Variants in MGMT observed in about 807,000 individuals in gnomAD.
MGMT encodes O-6-methylguanine-DNA methyltransferase, also known as methylated-DNA--protein-cysteine methyltransferase.
A neutral mutation model predicts 15.9 loss-of-function variants in MGMT; 14 were observed. That is an observed-to-expected ratio of 0.88 (90% confidence interval 0.58 to 1.37). MGMT has a LOEUF of 1.37. MGMT is among the 40% of genes most tolerant of loss of function. The pLI, the probability that MGMT is intolerant of heterozygous loss-of-function variation, is 0.00. For missense variants in MGMT, 282 were observed against 268.1 expected (o/e 1.05, Z -0.36); for synonymous variants, 130 against 118.2 (o/e 1.10, Z -0.65).
rs537411670 is a variant in MGMT at position 129,739,595 on chromosome 10, G to A, written c.275-19607G>A. Among the ~76,000 whole-genome samples, 18 of 150,928 alleles carry A rather than the reference G, an allele frequency of 1.2e-4. No individual in the cohort carries two copies. In the East Asian group the frequency reaches 1.4e-3, roughly 12 times the overall value. On this transcript the variant is annotated intron_variant, in intron 3 of 4. Coordinates refer to ENST00000651593, the MANE Select transcript of MGMT (RefSeq NM_002412.5). ...ATCAGAACCAGGTCAGAGCCCCTAC[G>A]CCCTGGTCAGATCAGAACCAGGTCA...
At chr10:129,711,721 G>T (rs1007165756) in intron 3 of MGMT, among the ~76,000 whole-genome samples, 2 of 152,120 alleles carry the variant, frequency 1.3e-5, no homozygotes, top group African/African-American at 4.8e-5. Flanking sequence ...GTGTGACCGA[G>T]GGCTAGCATC....
intron 3 of MGMT, among the ~76,000 whole-genome samples, chr10:129,739,447 A>G (rs973320316): frequency 1.1e-4 from 16 of 152,232 alleles, no homozygotes; most frequent in African/African-American, 3.4e-4. Context: ...TTTCGAAAAA[A>G]TTACAGCAGA....
chr10:129,633,166 CT>C lies in MGMT; in HGVS notation c.126-74726del, dbSNP rs1847230002. Among the ~76,000 whole-genome samples the C allele has an allele frequency of 3.9e-5, 6 of 152,268 alleles. No homozygotes were observed. The South Asian group carries it at 1.2e-3, about 32-fold the overall frequency. ...GTTAAAACCCTTCTCAGTACTCCCA[CT>C]TTGAAAAAGTATACTCTAGAAAAAT... On this transcript the variant is annotated intron_variant, in intron 2 of 4. Transcript: ENST00000651593.
rs373742959 is a variant in MGMT, at chr10:129,532,503, C to T, written c.-12-3738C>T. ...GGCTAAGCTGCCTGTGGCCCTCCACCGCCCTGCTCCTTCCTCCGGGTGGGG... is the reference window on the plus strand; with the variant it reads ...GGCTAAGCTGCCTGTGGCCCTCCACTGCCCTGCTCCTTCCTCCGGGTGGGG... On this transcript the variant is annotated intron_variant, in intron 1 of 4. Coordinates refer to ENST00000651593, the MANE Select transcript of MGMT (RefSeq NM_002412.5). This position sits in a 1 kb window ranked among gnomAD's most constrained non-coding sequence, Gnocchi z 5.3. Among the ~76,000 whole-genome samples, 29 of 152,270 alleles carry T rather than the reference C, an allele frequency of 1.9e-4. No individual in the cohort carries two copies. The highest frequency in any genetic ancestry group is 1.4e-3 in the East Asian group (7 of 5,134).
chr10:129,597,437 G>A (rs913691301), intron 2 of MGMT, among the ~76,000 whole-genome samples: 6 of 151,904 alleles, frequency 3.9e-5, no homozygotes, highest in East Asian at 1.9e-4. Context: ...GTTTAGTTTC[G>A]TCATTTTTAT....
chr10:129,523,615 A>AAT (rs1845837140), intron 1 of MGMT, among the ~76,000 whole-genome samples: 2 of 152,166 alleles, frequency 1.3e-5, no homozygotes, highest in Non-Finnish European at 2.9e-5. Flanking sequence ...GGTTCCCTCC[A>AAT]CCGTGGAATC....
chr10:129,674,826 G>C (rs1297161258), intron 2 of MGMT, among the ~76,000 whole-genome samples: 1 of 152,182 alleles, frequency 6.6e-6, no homozygotes, highest in Non-Finnish European at 1.5e-5. Flanking sequence ...GTCCGTGCTA[G>C]GAACACAGCA....
At chr10:129,761,255 AGAGT>A (rs1166552671) in intron 4 of MGMT, among the ~76,000 whole-genome samples, 2 of 152,100 alleles carry the variant, frequency 1.3e-5, no homozygotes, top group East Asian at 3.9e-4. Flanking sequence ...CCCCCCGAGG[AGAGT>A]AAGTCCTTGT....
At chr10:129,542,086 A>G (rs1489254577) in intron 2 of MGMT, among the ~76,000 whole-genome samples, 1 of 152,180 alleles carries the variant, frequency 6.6e-6, no homozygotes. Context: ...TGGATGCCCT[A>G]TGAGTTTCTG....
chr10:129,511,419 C>A (rs147745235), intron 1 of MGMT, among the ~76,000 whole-genome samples: 5 of 152,190 alleles, frequency 3.3e-5, no homozygotes, highest in African/African-American at 1.2e-4. Flanking sequence ...ATGATGAGAA[C>A]CCCATATACC....
At chr10:129,753,913 A>G (rs1342114682) in intron 3 of MGMT, among the ~76,000 whole-genome samples, 1 of 152,178 alleles carries the variant, frequency 6.6e-6, no homozygotes, top group African/African-American at 2.4e-5. Flanking sequence ...CCTACAGATA[A>G]TGTTGATATT....
rs775322119 is a variant in MGMT, at chr10:129,532,260, G to A, written c.-12-3981G>A. 6.6e-6 allele frequency among the ~76,000 whole-genome samples: 1 copy of A among 152,204 alleles called. No individual in the cohort carries two copies. Among genetic ancestry groups the A allele is most frequent in the Non-Finnish European group, 1.5e-5 (1 of 68,040 alleles). On this transcript the variant is annotated intron_variant, in intron 1 of 4. Coordinates refer to ENST00000651593, the MANE Select transcript of MGMT (RefSeq NM_002412.5). This position sits in a 1 kb window ranked among gnomAD's most constrained non-coding sequence, Gnocchi z 5.3. ...TATGCCAGAGCTTTAGGGTCCCTTG[G>A]GCCAGCAGCTGGGGTCCTTGGGCAT...
chr10:129,745,095 G>A (rs1052154772), intron 3 of MGMT, among the ~76,000 whole-genome samples: 3 of 152,152 alleles, frequency 2.0e-5, no homozygotes, highest in Admixed American at 2.0e-4. Context: ...CTCGTAGAGG[G>A]AAAGATTTTG....
intron 2 of MGMT, among the ~76,000 whole-genome samples, chr10:129,598,949 C>G (rs1203110198): frequency 1.3e-5 from 2 of 152,170 alleles, no homozygotes; most frequent in Non-Finnish European, 2.9e-5. Flanking sequence ...TTGTCTCCAG[C>G]CCTTCCCTTT....
intron 2 of MGMT, among the ~76,000 whole-genome samples, chr10:129,545,471 T>G (rs1298516678): frequency 6.6e-6 from 1 of 152,228 alleles, no homozygotes; most frequent in Middle Eastern, 3.2e-3. Flanking sequence ...ATTGTAAAGT[T>G]ACGACATGAG....
chr10:129,582,638 T>A (rs1391390482), intron 2 of MGMT, among the ~76,000 whole-genome samples: 1 of 152,188 alleles, frequency 6.6e-6, no homozygotes, highest in Admixed American at 6.5e-5. Flanking sequence ...AATTTTAGTG[T>A]AGGTGATCTT....
chr10:129,760,358 C>A (rs1370068663), intron 4 of MGMT, among the ~76,000 whole-genome samples: 1 of 152,230 alleles, frequency 6.6e-6, no homozygotes, highest in African/African-American at 2.4e-5. Context: ...TGTGTGGTCA[C>A]GTTGGCAGTG....
intron 3 of MGMT, among the ~76,000 whole-genome samples, chr10:129,743,705 T>C (rs1848663513): frequency 6.6e-6 from 1 of 152,224 alleles, no homozygotes; most frequent in Non-Finnish European, 1.5e-5. Flanking sequence ...GTCATAGAGG[T>C]CACAGCTGAC....
At position 129,691,088 on chromosome 10, in the gene MGMT, C is replaced by T. The variant is rs558767605; in HGVS notation, c.126-16807C>T. 2.3e-3 allele frequency among the ~76,000 whole-genome samples: 357 copies of T among 152,280 alleles called. 1 individual carries two copies. Among genetic ancestry groups the T allele is most frequent in the Non-Finnish European group, 4.1e-3 (277 of 68,014 alleles). Reference sequence around the variant, plus strand: ...AGCAGAAACCAACTGACATGGAGTGCGGGAGAACTTGAAGGCAGCAGTGGG... The same window carrying T: ...AGCAGAAACCAACTGACATGGAGTGTGGGAGAACTTGAAGGCAGCAGTGGG... On this transcript the variant is annotated intron_variant, in intron 2 of 4. Coordinates refer to ENST00000651593, the MANE Select transcript of MGMT (RefSeq NM_002412.5).
Sources: gnomAD v4.1 joint callset for allele counts (sites outside exome capture counted in the v4.1 genomes callset) on GRCh38, gnomAD v4.1.1 for gene constraint, Gnocchi (gnomAD v3.1) non-coding constraint, MANE v1.5 for transcripts, NCBI Gene and HGNC (gene_info 2026-07-23, HGNC 2026-07-21) for gene names.